SLC41A2: variants seen among roughly 807,000 people sequenced by gnomAD.
SLC41A2 encodes solute carrier family 41 member 2.
In SLC41A2, 32 loss-of-function variants were observed where a neutral mutation model predicts 58.3. The observed-to-expected ratio is 0.55, with a 90% CI of 0.41 to 0.74. The LOEUF (loss-of-function observed/expected upper bound fraction) is 0.74. Ranked by LOEUF, SLC41A2 falls within the 30% of genes least tolerant of loss-of-function variation. SLC41A2 has a pLI of 0.00. For synonymous variants in SLC41A2, 190 were observed against 235.0 expected, an observed-to-expected ratio of 0.81 and a Z score of 1.75; for missense variants, 514 against 680.6, an observed-to-expected ratio of 0.76 and a Z score of 2.72.
At chr12:104,805,479 A>C (rs2040860459) in intron 10 of SLC41A2, 142 bp from the exon 11 acceptor site, 2 of 581,002 alleles carry the variant, frequency 3.4e-6, no homozygotes, top group Non-Finnish European at 5.7e-6. Context: ...AGAAATACTT[A>C]GATGACAAGA....
intron 6 of SLC41A2, among the ~76,000 whole-genome samples, chr12:104,874,842 T>C (rs1593046710): frequency 6.6e-6 from 1 of 152,362 alleles, no homozygotes; most frequent in East Asian, 1.9e-4. Flanking sequence ...TGTGGTTTCA[T>C]ATGAATTTTA....
chr12:104,860,248 G>A lies in SLC41A2; in HGVS notation c.1255+1043C>T, dbSNP rs371050276. Among the ~76,000 whole-genome samples the A allele has an allele frequency of 6.6e-4, 100 of 152,086 alleles. 1 individual carries two copies. Among genetic ancestry groups the A allele is most frequent in the African/African-American group, 2.3e-3 (95 of 41,464 alleles). On this transcript the variant is annotated intron_variant, in intron 8 of 10. Coordinates refer to ENST00000258538, the MANE Select transcript of SLC41A2 (RefSeq NM_001352171.3). ...CAGGGCCTGTCAGGTGGGGGGCAAGGGGAGGGAGAGCATTAGGACAAATAA... is the reference window on the plus strand; with the variant it reads ...CAGGGCCTGTCAGGTGGGGGGCAAGAGGAGGGAGAGCATTAGGACAAATAA...
intron 2 of SLC41A2, among the ~76,000 whole-genome samples, chr12:104,927,566 A>G: frequency 6.6e-6 from 1 of 152,156 alleles, no homozygotes; most frequent in East Asian, 1.9e-4. Flanking sequence ...AGAGGAGGAG[A>G]GTTTTGATTC....
intron 6 of SLC41A2, among the ~76,000 whole-genome samples, chr12:104,874,509 G>GATTACATACATAACTATACATA (rs2043954265): frequency 6.6e-6 from 1 of 152,112 alleles, no homozygotes; most frequent in African/African-American, 2.4e-5. Context: ...TCTATTTTTA[G>GATTACATACATAACTATACATA]TTGTGTAAGA....
chr12:104,861,235 G>T, intron 8 of SLC41A2, 56 bp downstream of exon 8: 1 of 1,307,932 alleles, frequency 7.6e-7, no homozygotes, highest in Non-Finnish European at 1.1e-6. Context: ...TAGTACCTAA[G>T]ACTAAGAGGA....
intron 10 of SLC41A2, among the ~76,000 whole-genome samples, chr12:104,820,402 T>C (rs1456981634): frequency 6.6e-6 from 1 of 152,190 alleles, no homozygotes. Flanking sequence ...AGTTCAAGGT[T>C]ACAGTGAGCT....
chr12:104,912,872 C>A (rs1219040366), intron 2 of SLC41A2, among the ~76,000 whole-genome samples: 3 of 152,150 alleles, frequency 2.0e-5, no homozygotes, highest in African/African-American at 7.2e-5. Context: ...CTGCATCAGC[C>A]AGTGTCTGCT....
intron 2 of SLC41A2, among the ~76,000 whole-genome samples, chr12:104,927,450 C>G (rs1447311789): frequency 1.3e-5 from 2 of 151,900 alleles, no homozygotes; most frequent in Admixed American, 1.3e-4. Context: ...AAAATATATG[C>G]AACATTTTAT....
chr12:104,902,777 GA>G (rs1349200325), intron 3 of SLC41A2, among the ~76,000 whole-genome samples: 1 of 152,160 alleles, frequency 6.6e-6, no homozygotes, highest in Non-Finnish European at 1.5e-5. Context: ...AGAGTCCAGA[GA>G]AGATGAGGCT....
rs1323424432 is a variant in SLC41A2 at position 104,941,126 on chromosome 12, C to T, written c.-167-12432G>A. On this transcript the variant is annotated intron_variant, in intron 1 of 10. Transcript: ENST00000258538. ...GTGAAAGGACAATCAACTGTCATGT[C>T]GGTAACACCAAATTGCTATAAAATG... Among the ~76,000 whole-genome samples the T allele has an allele frequency of 3.9e-5, 6 of 152,014 alleles. No homozygotes were observed. In the East Asian group the frequency reaches 1.2e-3, roughly 29 times the overall value.
At chr12:104,927,652 A>G (rs538541827) in intron 2 of SLC41A2, among the ~76,000 whole-genome samples, 1 of 152,260 alleles carries the variant, frequency 6.6e-6, no homozygotes, top group Non-Finnish European at 1.5e-5. Context: ...ATGAGTATAT[A>G]TTAATTTTTA....
At chr12:104,823,187 ACT>A (rs2136245628) in intron 10 of SLC41A2, among the ~76,000 whole-genome samples, 1 of 152,138 alleles carries the variant, frequency 6.6e-6, no homozygotes, top group East Asian at 1.9e-4. Flanking sequence ...AAATGCCAAA[ACT>A]CTATGTTGAG....
chr12:104,840,581 C>T (rs918892781), intron 10 of SLC41A2, among the ~76,000 whole-genome samples: 1 of 152,120 alleles, frequency 6.6e-6, no homozygotes, highest in African/African-American at 2.4e-5. Flanking sequence ...TGTCTCTTAG[C>T]ACATTACTCT....
intron 8 of SLC41A2, chr12:104,852,013 T>C (rs1190318817): frequency 2.0e-5 from 3 of 152,240 alleles, no homozygotes; most frequent in African/African-American, 7.2e-5. Context: ...CAGTAGCTTA[T>C]ACCTCTAAGT....
intron 2 of SLC41A2, among the ~76,000 whole-genome samples, chr12:104,917,576 A>G (rs1285149697): frequency 6.6e-5 from 10 of 151,746 alleles, no homozygotes; most frequent in African/African-American, 2.4e-4. Flanking sequence ...GAACCAACCC[A>G]AATATCCAAC....
chr12:104,807,662 G>A (rs1307568240), intron 10 of SLC41A2, among the ~76,000 whole-genome samples: 1 of 152,112 alleles, frequency 6.6e-6, no homozygotes, highest in African/African-American at 2.4e-5. Flanking sequence ...GGGCAGTATG[G>A]CCATTTTCAT....
At chr12:104,936,293 C>G (rs975910957) in intron 1 of SLC41A2, among the ~76,000 whole-genome samples, 1 of 152,014 alleles carries the variant, frequency 6.6e-6, no homozygotes, top group African/African-American at 2.4e-5. Flanking sequence ...GCATGTATAC[C>G]TGCTCCTTTG....
chr12:104,862,636 C>CT (rs962390896), intron 7 of SLC41A2, among the ~76,000 whole-genome samples: 3 of 152,076 alleles, frequency 2.0e-5, no homozygotes, highest in Non-Finnish European at 2.9e-5. Flanking sequence ...GGCTTCTAGA[C>CT]TTTTTTTAAC....
intron 4 of SLC41A2, among the ~76,000 whole-genome samples, chr12:104,890,781 T>C (rs2044920265): frequency 6.6e-6 from 1 of 152,238 alleles, no homozygotes; most frequent in African/African-American, 2.4e-5. Flanking sequence ...TTGCTTTATC[T>C]GACTACTTAT....
Sources: allele counts gnomAD v4.1 joint callset (sites outside exome capture counted in the v4.1 genomes callset), GRCh38; gene constraint gnomAD v4.1.1; transcripts MANE v1.5; gene names NCBI Gene and HGNC (gene_info 2026-07-23, HGNC 2026-07-21).